The following CAST variants were observed in gnomAD, a reference collection of about 807,000 sequenced individuals.
CAST encodes calpastatin, also known as MIR583 host.
Under a neutral mutation model 119.6 loss-of-function variants are expected in CAST, and 76 were observed. That is an observed-to-expected ratio of 0.64 (90% CI 0.53 to 0.77). CAST has a LOEUF of 0.77. Among genes scored for constraint, CAST ranks in the 30% least tolerant of loss-of-function variants. The pLI, the probability that CAST is intolerant of heterozygous loss-of-function variation, is 0.00. For missense variants in CAST, 953 were observed against 946.5 expected (o/e 1.01, Z -0.09); for synonymous variants, 319 against 331.6 (o/e 0.96, Z 0.41).
At chr5:96,302,733 A>G in the CAST span, among the ~76,000 whole-genome samples, 2 of 152,196 alleles carry the variant, frequency 1.3e-5, no homozygotes, top group Admixed American at 1.3e-4. Context: ...AAGGACCTTT[A>G]TTCCAGTTCC....
the CAST span, among the ~76,000 whole-genome samples, chr5:96,478,037 A>G: frequency 6.6e-6 from 1 of 152,234 alleles, no homozygotes; most frequent in Admixed American, 6.5e-5. Context: ...AAGCAGAGAT[A>G]TAAGTATATT....
the CAST span, among the ~76,000 whole-genome samples, chr5:96,177,624 C>A: frequency 6.6e-6 from 1 of 152,198 alleles, no homozygotes; most frequent in Non-Finnish European, 1.5e-5. Flanking sequence ...TGAAATGAAT[C>A]ACTGTGGCAT....
the CAST span, among the ~76,000 whole-genome samples, chr5:96,277,598 G>A: frequency 6.6e-6 from 1 of 152,148 alleles, no homozygotes; most frequent in Non-Finnish European, 1.5e-5. Flanking sequence ...ACCAAAGGTA[G>A]TGGGTGGGTG....
chr5:96,258,999 T>C, the CAST span, among the ~76,000 whole-genome samples: 1 of 152,212 alleles, frequency 6.6e-6, no homozygotes, highest in Non-Finnish European at 1.5e-5. Flanking sequence ...TACTTTGGGC[T>C]GGGAAAAGTT....
the CAST span, among the ~76,000 whole-genome samples, chr5:96,489,388 A>G: frequency 6.6e-6 from 1 of 150,820 alleles, no homozygotes; most frequent in Non-Finnish European, 1.5e-5. Context: ...GTAATGCACA[A>G]CCACAGAGAG....
At chr5:96,165,400 G>T in the CAST span, among the ~76,000 whole-genome samples, 1 of 152,102 alleles carries the variant, frequency 6.6e-6, no homozygotes, top group Non-Finnish European at 1.5e-5. Context: ...TTAAAGAGTT[G>T]CAAAACATAA....
At chr5:96,005,520 G>T in the CAST span, among the ~76,000 whole-genome samples, 1 of 152,158 alleles carries the variant, frequency 6.6e-6, no homozygotes, top group Non-Finnish European at 1.5e-5. Context: ...GTAACTAGAA[G>T]AAATAGTTAT....
the CAST span, among the ~76,000 whole-genome samples, chr5:96,194,643 AAG>A: frequency 1.3e-5 from 2 of 152,252 alleles, no homozygotes; most frequent in Admixed American, 1.3e-4. Context: ...TTTTTAAAAA[AAG>A]AAATTAAATT....
chr5:96,747,017 A>G (rs149564776), intron 17 of CAST, among the ~76,000 whole-genome samples: 29 of 152,332 alleles, frequency 1.9e-4, no homozygotes, highest in African/African-American at 7.0e-4. Flanking sequence ...TCTAGGTTGG[A>G]GAATTGGGGT....
the CAST span, among the ~76,000 whole-genome samples, chr5:96,262,269 G>A: frequency 2.0e-5 from 3 of 152,212 alleles, no homozygotes; most frequent in Non-Finnish European, 2.9e-5. Flanking sequence ...GCAGATGGGA[G>A]TGTGGTGCTG....
the CAST span, among the ~76,000 whole-genome samples, chr5:95,984,265 A>G: frequency 1.5e-3 from 231 of 152,322 alleles, no homozygotes; most frequent in African/African-American, 4.7e-3. Context: ...GGCATGCAAC[A>G]TGATTGATGA....
the CAST span, among the ~76,000 whole-genome samples, chr5:96,474,790 G>T: frequency 2.0e-5 from 3 of 152,052 alleles, no homozygotes; most frequent in Admixed American, 6.6e-5. Context: ...AACAGCCAAG[G>T]TACTCTATGA....
At chr5:96,597,566 G>A (rs1421763836) in intron 1 of CAST, among the ~76,000 whole-genome samples, 4 of 152,078 alleles carry the variant, frequency 2.6e-5, no homozygotes, top group Non-Finnish European at 2.9e-5. Context: ...AGCAGCAGAG[G>A]CAACCTGCAC....
chr5:96,546,255 C>T (rs990997358), intron 1 of CAST: 1 of 152,076 alleles, frequency 6.6e-6, no homozygotes, highest in African/African-American at 2.4e-5. Flanking sequence ...CCCAGGAGGC[C>T]AAAGTCATAA....
chr5:96,387,027 T>C, the CAST span, among the ~76,000 whole-genome samples: 1 of 152,156 alleles, frequency 6.6e-6, no homozygotes, highest in Non-Finnish European at 1.5e-5. Context: ...CTCTGCATTA[T>C]CTTATTTAAT....
chr5:96,707,755 C>CT (rs1466500620), intron 3 of CAST, among the ~76,000 whole-genome samples: 2 of 152,100 alleles, frequency 1.3e-5, no homozygotes, highest in Non-Finnish European at 2.9e-5. Flanking sequence ...GATTAAAGCG[C>CT]TTAGTATGCA....
At chr5:96,255,467 C>T in the CAST span, among the ~76,000 whole-genome samples, 8 of 152,058 alleles carry the variant, frequency 5.3e-5, no homozygotes, top group South Asian at 2.1e-4. Flanking sequence ...GCAGCAATGA[C>T]GATGAATTTT....
the CAST span, among the ~76,000 whole-genome samples, chr5:96,511,381 A>G: frequency 6.6e-6 from 1 of 152,134 alleles, no homozygotes; most frequent in African/African-American, 2.4e-5. Flanking sequence ...TGATCTCGTG[A>G]TCTACCTGCC....
intron 3 of CAST, among the ~76,000 whole-genome samples, chr5:96,704,963 C>T (rs757853667): frequency 3.9e-5 from 6 of 152,138 alleles, no homozygotes; most frequent in Non-Finnish European, 8.8e-5. Flanking sequence ...ACCGAAAGCA[C>T]TTTCATGCAT....
Sources: gnomAD v4.1 joint callset for allele counts (sites outside exome capture counted in the v4.1 genomes callset) on GRCh38, gnomAD v4.1.1 for gene constraint, MANE v1.5 for transcripts, NCBI Gene and HGNC (gene_info 2026-07-23, HGNC 2026-07-21) for gene names.